Variants in FBXL5 observed in about 807,000 individuals in gnomAD.
FBXL5 encodes the protein F-box and leucine rich repeat protein 5, also known as F-box/LRR-repeat protein 5.
In FBXL5, 26 loss-of-function variants were observed where a neutral mutation model predicts 78.3. The observed-to-expected ratio is 0.33, with a 90% confidence interval of 0.24 to 0.46. The LOEUF is 0.46. FBXL5 is among the 20% of genes least tolerant of loss of function. FBXL5 has a pLI of 1.00. For synonymous variants in FBXL5, 295 were observed against 282.5 expected, an observed-to-expected ratio of 1.04 and a Z score of -0.45; for missense variants, 710 against 829.2, an observed-to-expected ratio of 0.86 and a Z score of 1.77.
intron 9 of FBXL5, among the ~76,000 whole-genome samples, chr4:15,624,391 G>C (rs867311046): frequency 1.2e-4 from 18 of 152,042 alleles, no homozygotes; most frequent in African/African-American, 4.1e-4. Flanking sequence ...CACAAAGCCA[G>C]TCATACAGAA....
At chr4:15,678,289 A>G (rs965302868) in intron 1 of FBXL5, among the ~76,000 whole-genome samples, 5 of 152,226 alleles carry the variant, frequency 3.3e-5, no homozygotes, top group Non-Finnish European at 5.9e-5. Context: ...AATTTTTTAC[A>G]CAAAACATTA....
chr4:15,642,018 ACT>A (rs1456565032), intron 2 of FBXL5, among the ~76,000 whole-genome samples: 2 of 151,340 alleles, frequency 1.3e-5, no homozygotes, highest in East Asian at 1.9e-4. Context: ...ACAGAGCAAG[ACT>A]CTGTCTTAAA....
chr4:15,650,555 T>C (rs143789971), intron 1 of FBXL5, among the ~76,000 whole-genome samples: 137 of 152,168 alleles, frequency 9.0e-4, no homozygotes, highest in Middle Eastern at 3.4e-3. Context: ...TATACTCTGA[T>C]GCCTCACAAA....
chr4:15,659,876 C>G (rs1198470294), upstream of FBXL5: 6 of 199,872 alleles, frequency 3.0e-5, no homozygotes, highest in Non-Finnish European at 5.4e-5. Flanking sequence ...TCAGGGACAA[C>G]TTGACTCAGC....
intron 10 of FBXL5, among the ~76,000 whole-genome samples, chr4:15,610,172 T>C (rs1722153795): frequency 6.6e-6 from 1 of 152,064 alleles, no homozygotes; most frequent in Non-Finnish European, 1.5e-5. Context: ...CTGAGCTGTT[T>C]TGAAAGATAC....
At chr4:15,661,835 G>C (rs145999090), upstream of FBXL5, among the ~76,000 whole-genome samples, 1 of 152,172 alleles carries the variant, frequency 6.6e-6, no homozygotes, top group Non-Finnish European at 1.5e-5. Flanking sequence ...CTAAAGCTGC[G>C]ATCATCCGAT....
intron 1 of FBXL5, among the ~76,000 whole-genome samples, chr4:15,645,466 C>T (rs1560234646): frequency 1.3e-5 from 2 of 152,008 alleles, no homozygotes; most frequent in South Asian, 2.1e-4. Flanking sequence ...CTTGCTTTGT[C>T]GCCCAGGCTA....
intron 2 of FBXL5, 61 bp from the exon 3 acceptor site, chr4:15,640,944 C>T: frequency 1.1e-6 from 1 of 889,352 alleles, no homozygotes; most frequent in Non-Finnish European, 1.7e-6. Context: ...TATGTCTGGT[C>T]CCAGGAAGTT....
At chr4:15,655,932 G>A (rs1716885893), upstream of FBXL5, among the ~76,000 whole-genome samples, 1 of 152,210 alleles carries the variant, frequency 6.6e-6, no homozygotes. Flanking sequence ...GGCTCTGAGA[G>A]CTTCGGTCCC....
upstream of FBXL5, among the ~76,000 whole-genome samples, chr4:15,661,601 G>C (rs891929690): frequency 5.9e-5 from 9 of 152,170 alleles, no homozygotes; most frequent in African/African-American, 2.2e-4. Context: ...ACAGAAAATA[G>C]AAAATAACAG....
intron 9 of FBXL5, among the ~76,000 whole-genome samples, chr4:15,623,827 T>G (rs868730009): frequency 6.2e-5 from 9 of 145,108 alleles, no homozygotes; most frequent in African/African-American, 2.3e-4. Flanking sequence ...TTTACAATAG[T>G]TTTTTTTTTT....
chr4:15,650,022 C>A (rs1170037863), intron 1 of FBXL5, among the ~76,000 whole-genome samples: 3 of 152,162 alleles, frequency 2.0e-5, no homozygotes, highest in Non-Finnish European at 4.4e-5. Context: ...AGAACACTTG[C>A]TCTAAAGCAA....
At chr4:15,680,915 A>G (rs1043414956) in intron 1 of FBXL5, among the ~76,000 whole-genome samples, 1 of 148,750 alleles carries the variant, frequency 6.7e-6, no homozygotes, top group African/African-American at 2.4e-5. Context: ...TATATTATAT[A>G]TATAAGAATA....
Position 15,644,380 on chromosome 4 carries a change from A to G in FBXL5, c.300+113T>C, listed in dbSNP as rs2148667520. On this transcript the variant is annotated intron_variant, in intron 2 of 10. Transcript: ENST00000341285. Reference sequence around the variant, plus strand: ...CTTGCCATCTTTAACAAGTGACAAAATAATTTTTTTCAACATTACATCATT... The same window carrying G: ...CTTGCCATCTTTAACAAGTGACAAAGTAATTTTTTTCAACATTACATCATT... 5 of 843,878 alleles carry G rather than the reference A, an allele frequency of 5.9e-6. No homozygotes were observed. In the South Asian group the frequency reaches 8.8e-5, roughly 15 times the overall value. 52.3% of individuals were successfully genotyped at this position (843,878 alleles called of 1,614,324 possible).
intron 3 of FBXL5, 30 bp downstream of exon 3, chr4:15,640,758 T>C (rs1714779387): frequency 1.7e-6 from 2 of 1,209,450 alleles, no homozygotes; most frequent in South Asian, 1.4e-5. Context: ...ATGTTATAAA[T>C]CTAAATCACG....
intron 7 of FBXL5, among the ~76,000 whole-genome samples, chr4:15,627,333 C>T (rs951213899): frequency 2.0e-5 from 3 of 152,060 alleles, no homozygotes; most frequent in African/African-American, 7.3e-5. Context: ...TGGGGTTTCA[C>T]CATATTGGCC....
intron 5 of FBXL5, among the ~76,000 whole-genome samples, chr4:15,635,717 C>A (rs1560227445): frequency 6.9e-6 from 1 of 145,728 alleles, no homozygotes; most frequent in African/African-American, 2.5e-5. Flanking sequence ...CGCGCCATTG[C>A]ACTCTTGCCT....
At chr4:15,617,447 C>T (rs192759307) in intron 9 of FBXL5, among the ~76,000 whole-genome samples, 276 of 150,466 alleles carry the variant, frequency 1.8e-3, no homozygotes, top group Middle Eastern at 0.01. Context: ...ACTCTGGAGG[C>T]TAAGACAGGA....
intron 9 of FBXL5, among the ~76,000 whole-genome samples, chr4:15,614,738 G>A (rs1217275184): frequency 6.6e-6 from 1 of 152,142 alleles, no homozygotes; most frequent in East Asian, 1.9e-4. Context: ...TTATTGAGAG[G>A]TGACAGCACG....
Sources: allele counts gnomAD v4.1 joint callset (sites outside exome capture counted in the v4.1 genomes callset), GRCh38; gene constraint gnomAD v4.1.1; transcripts MANE v1.5; gene names NCBI Gene and HGNC (gene_info 2026-07-23, HGNC 2026-07-21).